Variants in EIF4E3 observed in about 807,000 individuals in gnomAD.
The protein encoded by EIF4E3 is eukaryotic translation initiation factor 4E family member 3.
In EIF4E3, 26 loss-of-function variants were observed where a neutral mutation model predicts 31.7. The observed-to-expected ratio is 0.82, with a 90% CI of 0.60 to 1.14. EIF4E3 has a LOEUF of 1.14. Among genes scored for constraint, EIF4E3 ranks in the 50% most tolerant of loss-of-function variants. The pLI is 0.00. For synonymous variants in EIF4E3, 128 were observed against 107.7 expected (o/e 1.19, Z -1.17); for missense variants, 304 against 270.9 (o/e 1.12, Z -0.86).
At chr3:71,743,308 T>C (rs1204476349) in intron 1 of EIF4E3, among the ~76,000 whole-genome samples, 1 of 152,108 alleles carries the variant, frequency 6.6e-6, no homozygotes, top group African/African-American at 2.4e-5. Flanking sequence ...ATGAAGTCAA[T>C]ATACAAAAAT....
chr3:71,719,423 G>A (rs2049512621), intron 1 of EIF4E3, among the ~76,000 whole-genome samples: 1 of 152,104 alleles, frequency 6.6e-6, no homozygotes, highest in South Asian at 2.1e-4. Flanking sequence ...ACAGCCAGGT[G>A]ATTCTGATGG....
rs116253540 is a variant in EIF4E3 at position 71,715,147 on chromosome 3, T to C, written c.177-4663A>G. ...TAACCGAGGAGGTGCTACTGGCATGTGGTGGGTAGAAGCCAACGGTGCTGC... is the reference window on the plus strand; with the variant it reads ...TAACCGAGGAGGTGCTACTGGCATGCGGTGGGTAGAAGCCAACGGTGCTGC... On this transcript the variant is annotated intron_variant, in intron 1 of 6. Transcript: ENST00000425534. Among the ~76,000 whole-genome samples the C allele has an allele frequency of 7.5e-3, 1,145 of 152,328 alleles. 10 individuals carry two copies. The highest frequency in any genetic ancestry group is 0.011 in the Non-Finnish European group (724 of 68,036).
At chr3:71,736,016 CTGA>C (rs2049759379) in intron 1 of EIF4E3, among the ~76,000 whole-genome samples, 1 of 152,172 alleles carries the variant, frequency 6.6e-6, no homozygotes, top group African/African-American at 2.4e-5. Flanking sequence ...AAACATCTTG[CTGA>C]TGATATACAG....
Position 71,680,995 on chromosome 3 carries a change from TTC to T in EIF4E3, c.*3685_*3686del, listed in dbSNP as rs1299132953. ...TGCTAAAAAAAATCAACTCCTAATT[TTC>T]TCTCTTTGGGCATAATATTTGATGA... On this transcript the variant is annotated 3_prime_UTR_variant, in exon 7 of 7. Transcript: ENST00000425534. 1 of 152,216 alleles carries T rather than the reference TTC, an allele frequency of 6.6e-6. No individual in the cohort carries two copies. Among genetic ancestry groups the T allele is most frequent in the Non-Finnish European group, 1.5e-5 (1 of 68,038 alleles). The allele number at this position is 152,216 out of a possible 1,614,324, so 9.4% of individuals were successfully genotyped here. A position where few individuals can be genotyped will look rare whatever the true frequency, so the allele number is the denominator to read the frequency against.
chr3:71,745,509 C>T (rs189684516), intron 1 of EIF4E3, among the ~76,000 whole-genome samples: 7 of 152,250 alleles, frequency 4.6e-5, no homozygotes, highest in Admixed American at 1.3e-4. Flanking sequence ...AGTATATTCA[C>T]TGTAATTCTC....
Position 71,677,240 on chromosome 3 carries a change from T to C in EIF4E3, c.*7442A>G, listed in dbSNP as rs2048881293. 6.6e-6 allele frequency: 1 copy of C among 152,242 alleles called. No individual in the cohort carries two copies. Among genetic ancestry groups the C allele is most frequent in the Non-Finnish European group, 1.5e-5 (1 of 68,036 alleles). The allele number at this position is 152,242 out of a possible 1,614,324, so 9.4% of individuals were successfully genotyped here. A position where few individuals can be genotyped will look rare whatever the true frequency, so the allele number is the denominator to read the frequency against. Reference sequence around the variant, plus strand: ...GAAATAGAAACATATTTTAATGACATATATTTTAACTTGCTGGCCCTTGCA... The same window carrying C: ...GAAATAGAAACATATTTTAATGACACATATTTTAACTTGCTGGCCCTTGCA... On this transcript the variant is annotated 3_prime_UTR_variant, in exon 7 of 7. Transcript: ENST00000425534.
At chr3:71,724,191 C>T (rs960507014) in intron 1 of EIF4E3, among the ~76,000 whole-genome samples, 6 of 152,148 alleles carry the variant, frequency 3.9e-5, no homozygotes, top group Non-Finnish European at 8.8e-5. Flanking sequence ...ATTGGGCACC[C>T]ACTGCAGGGC....
intron 1 of EIF4E3, among the ~76,000 whole-genome samples, chr3:71,720,792 G>A (rs1009063078): frequency 3.3e-5 from 5 of 152,100 alleles, no homozygotes; most frequent in Non-Finnish European, 5.9e-5. Flanking sequence ...GCTAAGAGCC[G>A]GCTAGGAGGT....
At chr3:71,754,696 C>T (rs1370221173), upstream of EIF4E3, 1 of 1,493,908 alleles carries the variant, frequency 6.7e-7, no homozygotes, top group Non-Finnish European at 8.9e-7. This position sits in a 1 kb window ranked among gnomAD's most constrained non-coding sequence, Gnocchi z 5.8. Flanking sequence ...AAGATGCGGC[C>T]CGCGCGCCTG....
chr3:71,713,841 A>C (rs985973888), intron 1 of EIF4E3, among the ~76,000 whole-genome samples: 31 of 152,086 alleles, frequency 2.0e-4, no homozygotes, highest in African/African-American at 7.5e-4. Context: ...TCTTCACAAA[A>C]ACCAAAAGGG....
At chr3:71,705,081 G>A (rs1270030139) in intron 2 of EIF4E3, among the ~76,000 whole-genome samples, 2 of 152,044 alleles carry the variant, frequency 1.3e-5, no homozygotes, top group East Asian at 3.9e-4. Flanking sequence ...TTTCAGTGTT[G>A]GCTTTCCTCC....
chr3:71,689,276 T>C (rs1328402228), intron 6 of EIF4E3, among the ~76,000 whole-genome samples: 1 of 152,228 alleles, frequency 6.6e-6, no homozygotes, highest in Non-Finnish European at 1.5e-5. Context: ...ATAGGAAATT[T>C]ATCATACATG....
At chr3:71,702,350 CT>C (rs1214022454) in intron 2 of EIF4E3, among the ~76,000 whole-genome samples, 5 of 152,170 alleles carry the variant, frequency 3.3e-5, no homozygotes, top group African/African-American at 7.2e-5. Flanking sequence ...GACTTTGGTG[CT>C]GGCAAACTTC....
intron 1 of EIF4E3, among the ~76,000 whole-genome samples, chr3:71,718,371 T>A (rs1023326737): frequency 4.6e-5 from 7 of 152,220 alleles, no homozygotes; most frequent in Non-Finnish European, 2.9e-5. Context: ...AATATATACA[T>A]CATTTAAAGG....
In EIF4E3 at chr3:71,680,832, T is replaced by A. The variant is rs1160857898; in HGVS notation, c.*3850A>T. 6.6e-6 allele frequency: 1 copy of A among 152,216 alleles called. No homozygotes were observed. Among genetic ancestry groups the A allele is most frequent in the Admixed American group, 6.5e-5 (1 of 15,286 alleles). 9.4% of individuals were successfully genotyped at this position (152,216 alleles called of 1,614,324 possible). On this transcript the variant is annotated 3_prime_UTR_variant, in exon 7 of 7. Transcript: ENST00000425534. ...CTTGAGTAATTTTAACTGATCTCAA[T>A]ATATTCTTTTCAGAAGTGAACAATT...
Position 71,682,873 on chromosome 3 carries a change from A to G in EIF4E3, c.*1809T>C, listed in dbSNP as rs2108001626. Reference sequence around the variant, plus strand: ...TTATGGAAATATACATGACAATTAGAGTGAAGTCAATTATATCCTTTTTTC... The same window carrying G: ...TTATGGAAATATACATGACAATTAGGGTGAAGTCAATTATATCCTTTTTTC... On this transcript the variant is annotated 3_prime_UTR_variant, in exon 7 of 7. Transcript: ENST00000425534. 6.5e-6 allele frequency: 1 copy of G among 152,758 alleles called. No homozygotes were observed. The highest frequency in any genetic ancestry group is 2.1e-4 in the South Asian group (1 of 4,830). 9.5% of individuals were successfully genotyped at this position (152,758 alleles called of 1,614,324 possible). A position where few individuals can be genotyped will look rare whatever the true frequency, so the allele number is the denominator to read the frequency against.
At chr3:71,754,070 G>C, upstream of EIF4E3, 1 of 1,305,974 alleles carries the variant, frequency 7.7e-7, no homozygotes, top group Non-Finnish European at 9.9e-7. This position sits in a 1 kb window ranked among gnomAD's most constrained non-coding sequence, Gnocchi z 5.8. Context: ...CGAGCGAGCC[G>C]GGTGGCAGCG....
chr3:71,696,304 G>C (rs1463412248), intron 4 of EIF4E3, among the ~76,000 whole-genome samples, 156 bp downstream of exon 4: 1 of 152,148 alleles, frequency 6.6e-6, no homozygotes, highest in Non-Finnish European at 1.5e-5. Flanking sequence ...ACAGTGAAAG[G>C]CAGAAAATCA....
chr3:71,690,205 TC>T (rs2049046590), intron 5 of EIF4E3, 40 bp from the exon 6 acceptor site: 2 of 1,557,098 alleles, frequency 1.3e-6, no homozygotes, highest in Non-Finnish European at 8.7e-7. Context: ...GAGTGATACT[TC>T]CAAGTCAGTC....
Sources: gnomAD v4.1 joint callset for allele counts (sites outside exome capture counted in the v4.1 genomes callset) on GRCh38, gnomAD v4.1.1 for gene constraint, Gnocchi (gnomAD v3.1) non-coding constraint, MANE v1.5 for transcripts, NCBI Gene and HGNC (gene_info 2026-07-23, HGNC 2026-07-21) for gene names.